Variants in SEMA3A observed in about 807,000 individuals in gnomAD.
The protein encoded by SEMA3A is semaphorin 3A, also known as semaphorin-3A.
SEMA3A carries 29 observed loss-of-function variants against 97.9 expected under a neutral mutation model. The observed-to-expected ratio is 0.30, with a 90% CI of 0.22 to 0.40. The LOEUF (loss-of-function observed/expected upper bound fraction) is 0.40, where lower values mean the gene tolerates loss of function less well. Among genes scored for constraint, SEMA3A ranks in the 10% least tolerant of loss-of-function variants. The probability of loss-of-function intolerance (pLI) is 1.00; values close to 1 mark genes in which losing one functional copy is unlikely to be tolerated. For missense variants in SEMA3A, 763 were observed against 951.3 expected (o/e 0.80, Z 2.60); for synonymous variants, 321 against 323.7 (o/e 0.99, Z 0.09).
chr7:84,400,241 C>T (rs1288574340), intron 1 of SEMA3A, among the ~76,000 whole-genome samples: 2 of 152,048 alleles, frequency 1.3e-5, no homozygotes, highest in Non-Finnish European at 2.9e-5. Context: ...AATGAATGTC[C>T]ACAAGCATCA....
At chr7:84,042,743 T>C (rs1160401606) in intron 6 of SEMA3A, among the ~76,000 whole-genome samples, 1 of 151,954 alleles carries the variant, frequency 6.6e-6, no homozygotes, top group East Asian at 1.9e-4. Flanking sequence ...TTCTTCCAAA[T>C]CATGTATCAT....
intron 3 of SEMA3A, among the ~76,000 whole-genome samples, chr7:84,251,830 C>G (rs1189567665): frequency 2.0e-5 from 3 of 152,128 alleles, no homozygotes; most frequent in African/African-American, 7.2e-5. Context: ...CCTAGACCTT[C>G]TTTTCCTACT....
rs1584499686 is a variant in SEMA3A, at chr7:83,979,667, T to C, written c.1652+1654A>G. On this transcript the variant is annotated intron_variant, in intron 14 of 16. Coordinates refer to ENST00000265362, the MANE Select transcript of SEMA3A (RefSeq NM_006080.3). ...ATAAAAGTAATACGAACATGTTACC[T>C]CAATTCTGAATGTTAAAGGTTTAAT... 3.9e-5 allele frequency among the ~76,000 whole-genome samples: 6 copies of C among 152,190 alleles called. No homozygotes were observed. In the East Asian group the frequency reaches 1.2e-3, roughly 29 times the overall value.
intron 3 of SEMA3A, among the ~76,000 whole-genome samples, chr7:84,268,009 G>A (rs1013594563): frequency 3.3e-5 from 5 of 151,946 alleles, no homozygotes; most frequent in Non-Finnish European, 7.4e-5. Flanking sequence ...ATTACATTAG[G>A]ATAGCTATGA....
chr7:83,979,135 T>G (rs922538973), intron 14 of SEMA3A, among the ~76,000 whole-genome samples: 1 of 146,198 alleles, frequency 6.8e-6, no homozygotes, highest in Non-Finnish European at 1.5e-5. Flanking sequence ...GAATTCCACT[T>G]TTTTTTTTTT....
chr7:83,970,036 A>T (rs577881887), intron 15 of SEMA3A, among the ~76,000 whole-genome samples: 2 of 152,332 alleles, frequency 1.3e-5, no homozygotes, highest in African/African-American at 4.8e-5. Flanking sequence ...AAAGAAGGGT[A>T]TCCTTGTTAA....
intron 6 of SEMA3A, among the ~76,000 whole-genome samples, chr7:84,016,569 G>T (rs1233182955): frequency 6.6e-6 from 1 of 151,454 alleles, no homozygotes; most frequent in Non-Finnish European, 1.5e-5. Flanking sequence ...AAAGAAACCT[G>T]TGTGTGCAGT....
intron 3 of SEMA3A, among the ~76,000 whole-genome samples, chr7:84,115,626 G>A (rs1795400458): frequency 6.6e-6 from 1 of 152,036 alleles, no homozygotes; most frequent in Non-Finnish European, 1.5e-5. Context: ...TGATTCATCA[G>A]GATGTGTGCC....
intron 14 of SEMA3A, among the ~76,000 whole-genome samples, chr7:83,980,933 C>T (rs1427576826): frequency 6.6e-6 from 1 of 151,960 alleles, no homozygotes. Flanking sequence ...CTGTGTACTA[C>T]CTAAGACTCT....
chr7:84,387,398 C>A (rs1232219847), intron 1 of SEMA3A, among the ~76,000 whole-genome samples: 3 of 152,076 alleles, frequency 2.0e-5, no homozygotes, highest in African/African-American at 4.8e-5. Flanking sequence ...TGGTGTGACA[C>A]CATTCTAAGA....
chr7:84,051,346 G>A (rs1448275497), intron 5 of SEMA3A, among the ~76,000 whole-genome samples: 4 of 152,244 alleles, frequency 2.6e-5, no homozygotes, highest in East Asian at 1.9e-4. Flanking sequence ...CCATGAGCAT[G>A]GAATGTTCTT....
At chr7:84,374,004 C>A (rs1803038483) in intron 1 of SEMA3A, among the ~76,000 whole-genome samples, 1 of 152,012 alleles carries the variant, frequency 6.6e-6, no homozygotes, top group Non-Finnish European at 1.5e-5. Flanking sequence ...AAGGGCCCAG[C>A]TAAAAGAGTC....
intron 3 of SEMA3A, among the ~76,000 whole-genome samples, chr7:84,250,373 C>A (rs1239819753): frequency 6.6e-6 from 1 of 151,996 alleles, no homozygotes; most frequent in Non-Finnish European, 1.5e-5. Context: ...ACCTTTGTGG[C>A]TACTGTGCAA....
intron 6 of SEMA3A, among the ~76,000 whole-genome samples, chr7:84,021,829 G>T (rs1225308654): frequency 6.6e-6 from 1 of 152,206 alleles, no homozygotes; most frequent in African/African-American, 2.4e-5. Flanking sequence ...TTTTGGCATG[G>T]TTTACAAGTT....
rs573606485 is a variant in SEMA3A at position 84,214,466 on chromosome 7, A to G, written c.-82-19798T>C. Among the ~76,000 whole-genome samples, 4 of 152,308 alleles carry G rather than the reference A, an allele frequency of 2.6e-5. No homozygotes were observed. The South Asian group carries it at 8.3e-4, about 32-fold the overall frequency. The stretch of plus-strand genomic sequence containing the variant: ...TAAATTACATTTATTAGAATGATAT[A>G]GATTCTTATACTCACAAAACATGAT... On this transcript the variant is annotated intron_variant, in intron 3 of 3. Coordinates refer to the SEMA3A transcript ENST00000424555.
At chr7:84,259,271 G>A (rs1225842025) in intron 3 of SEMA3A, among the ~76,000 whole-genome samples, 5 of 152,124 alleles carry the variant, frequency 3.3e-5, no homozygotes, top group Admixed American at 3.3e-4. Flanking sequence ...CACAATTTAT[G>A]AAGAGAGTTT....
At chr7:84,136,950 G>A (rs1199807405) in intron 1 of SEMA3A, among the ~76,000 whole-genome samples, 1 of 127,610 alleles carries the variant, frequency 7.8e-6, no homozygotes, top group African/African-American at 3.0e-5. Flanking sequence ...GGGAGGGAAG[G>A]AGGGAGGGAA....
In SEMA3A at chr7:84,006,125, G is replaced by A. The variant is rs2116399078; in HGVS notation, c.1141-567C>T. ...CTCTATTAGCACCACAAGCATGAGT[G>A]TTATTAGTAAAATAAGTGAAGTATT... On this transcript the variant is annotated intron_variant, in intron 10 of 16. Coordinates refer to ENST00000265362, the MANE Select transcript of SEMA3A (RefSeq NM_006080.3). Among the ~76,000 whole-genome samples, 3 of 152,120 alleles carry A rather than the reference G, an allele frequency of 2.0e-5. No homozygotes were observed. The Middle Eastern group carries it at 0.01, about 517-fold the overall frequency.
At chr7:84,294,203 T>C (rs1387899170) in intron 3 of SEMA3A, among the ~76,000 whole-genome samples, 2 of 152,030 alleles carry the variant, frequency 1.3e-5, no homozygotes, top group Non-Finnish European at 2.9e-5. Context: ...TTAGTAGATA[T>C]TCCTTTTCAT....
Sources: allele counts gnomAD v4.1 joint callset (sites outside exome capture counted in the v4.1 genomes callset), GRCh38; gene constraint gnomAD v4.1.1; transcripts MANE v1.5; gene names NCBI Gene and HGNC (gene_info 2026-07-23, HGNC 2026-07-21).